MAP7: variants seen among roughly 807,000 people sequenced by gnomAD.
MAP7 encodes the protein ensconsin.
In MAP7, 52 loss-of-function variants were observed where a neutral mutation model predicts 94.8. The observed-to-expected ratio is 0.55, with a 90% CI of 0.44 to 0.69. The LOEUF (loss-of-function observed/expected upper bound fraction) is 0.69, where lower values mean the gene tolerates loss of function less well. MAP7 is among the 30% of genes least tolerant of loss of function. The pLI, the probability that MAP7 is intolerant of heterozygous loss-of-function variation, is 0.00. For synonymous variants in MAP7, 350 were observed against 357.0 expected, an observed-to-expected ratio of 0.98 and a Z score of 0.22; for missense variants, 940 against 964.6, an observed-to-expected ratio of 0.97 and a Z score of 0.34.
intron 5 of MAP7, among the ~76,000 whole-genome samples, chr6:136,386,696 C>T (rs1366118664): frequency 6.6e-6 from 1 of 152,202 alleles, no homozygotes; most frequent in African/African-American, 2.4e-5. Flanking sequence ...ATGTATCCCA[C>T]CAGCTACTGC....
chr6:136,412,397 G>GA (rs1398198726), intron 2 of MAP7, among the ~76,000 whole-genome samples: 6 of 151,978 alleles, frequency 3.9e-5, no homozygotes, highest in Admixed American at 1.3e-4. Context: ...TTCTACTTGG[G>GA]AAAAAATCTG....
chr6:136,451,199 C>A (rs556588307), intron 1 of MAP7, among the ~76,000 whole-genome samples: 1 of 152,292 alleles, frequency 6.6e-6, no homozygotes, highest in East Asian at 1.9e-4. Flanking sequence ...CTGATCACCT[C>A]CCCATAACAG....
rs189206101 is a variant in MAP7, at chr6:136,406,747, G to A, written c.244+4873C>T. ...GAGGCACGAGAATTGCTTGAACCTG[G>A]AAGGTGGAGGTTGCAGTGAGCTGAG... On this transcript the variant is annotated intron_variant, in intron 3 of 17. Coordinates refer to ENST00000354570, the MANE Select transcript of MAP7 (RefSeq NM_003980.6). Among the ~76,000 whole-genome samples the A allele has an allele frequency of 3.3e-4, 51 of 152,310 alleles. 1 individual carries two copies. The East Asian group carries it at 9.3e-3, about 28-fold the overall frequency.
At position 136,365,907 on chromosome 6, in the gene MAP7, G is replaced by A; in HGVS notation, c.1101C>T (p.Gly367=). 1.2e-6 allele frequency: 2 copies of A among 1,614,164 alleles called. No individual in the cohort carries two copies. Among genetic ancestry groups the A allele is most frequent in the East Asian group, 4.5e-5 (2 of 44,870 alleles). ...CTTCCCTCTTGACAGGGCGGATGTT[G>A]CCGGGGGATGGGGGCCGGACCTGAG... The part of the protein sequence containing the change: ...APAQVRPPSP[G]NIRPVKREVK... The change falls in exon 10 of 18, where the codon GGC becomes GGT. Residue 367 remains glycine, a synonymous_variant. Coordinates refer to ENST00000354570, the MANE Select transcript of MAP7 (RefSeq NM_003980.6).
intron 1 of MAP7, among the ~76,000 whole-genome samples, chr6:136,428,984 C>A (rs555785391): frequency 2.0e-5 from 3 of 152,218 alleles, no homozygotes; most frequent in Admixed American, 1.3e-4. Context: ...AAAATGTATT[C>A]TTTTTCTTTT....
At chr6:136,347,540 G>A (rs972766934) in intron 16 of MAP7, among the ~76,000 whole-genome samples, 1 of 152,072 alleles carries the variant, frequency 6.6e-6, no homozygotes, top group African/African-American at 2.4e-5. Context: ...CAAATAGCTG[G>A]GACTACAGGG....
At chr6:136,411,926 C>T (rs967002222) in intron 2 of MAP7, among the ~76,000 whole-genome samples, 3 of 152,112 alleles carry the variant, frequency 2.0e-5, no homozygotes, top group Admixed American at 6.5e-5. Context: ...AAAATCATGA[C>T]GTAACTATAG....
intron 2 of MAP7, among the ~76,000 whole-genome samples, chr6:136,416,866 C>T (rs1410346316): frequency 6.6e-6 from 1 of 151,932 alleles, no homozygotes; most frequent in Non-Finnish European, 1.5e-5. Context: ...AATCCCAACA[C>T]TTTGGGAGGC....
chr6:136,449,002 TA>T (rs748818487), intron 1 of MAP7, among the ~76,000 whole-genome samples: 18,885 of 67,690 alleles, frequency 0.28, 1,341 homozygotes, highest in African/African-American at 0.35. Flanking sequence ...ACAGTGGTGT[TA>T]AAAAAAAAAA....
intron 3 of MAP7, among the ~76,000 whole-genome samples, chr6:136,393,363 T>C (rs1285806785): frequency 6.6e-6 from 1 of 152,186 alleles, no homozygotes; most frequent in Non-Finnish European, 1.5e-5. Flanking sequence ...GAATTACTGT[T>C]GGAACTGTGT....
chr6:136,520,971 G>C (rs534662454), intron 1 of MAP7, among the ~76,000 whole-genome samples: 134 of 152,250 alleles, frequency 8.8e-4, no homozygotes, highest in Non-Finnish European at 1.3e-3. Flanking sequence ...CTTAGGTCAG[G>C]GGTCACAAAA....
intron 1 of MAP7, among the ~76,000 whole-genome samples, chr6:136,541,129 G>A (rs1010007384): frequency 6.6e-6 from 1 of 152,192 alleles, no homozygotes; most frequent in African/African-American, 2.4e-5. Flanking sequence ...CCACCCCAAA[G>A]GCTTGGGTCA....
At chr6:136,422,732 A>T (rs1478689711) in intron 1 of MAP7, among the ~76,000 whole-genome samples, 1 of 152,212 alleles carries the variant, frequency 6.6e-6, no homozygotes, top group Non-Finnish European at 1.5e-5. Context: ...AATAAAAATA[A>T]TTTTTTGAAA....
chr6:136,456,392 C>G lies in MAP7; in HGVS notation c.68-34593G>C, dbSNP rs114016368. On this transcript the variant is annotated intron_variant, in intron 1 of 17. Coordinates refer to ENST00000354570, the MANE Select transcript of MAP7 (RefSeq NM_003980.6). Reference sequence around the variant, plus strand: ...CCTACATTAAAAAGAAAGAAAAAGGCCAGGCATGGTTGCTCATGTCTGTAA... The same window carrying G: ...CCTACATTAAAAAGAAAGAAAAAGGGCAGGCATGGTTGCTCATGTCTGTAA... Among the ~76,000 whole-genome samples the G allele has an allele frequency of 2.8e-3, 426 of 152,096 alleles. 2 individuals carry two copies. The highest frequency in any genetic ancestry group is 9.5e-3 in the African/African-American group (396 of 41,488).
At chr6:136,356,119 C>G (rs1790852339) in intron 16 of MAP7, among the ~76,000 whole-genome samples, 1 of 152,142 alleles carries the variant, frequency 6.6e-6, no homozygotes, top group South Asian at 2.1e-4. Flanking sequence ...TGGATATGGT[C>G]CATATCAGGC....
Position 136,362,556 on chromosome 6 carries a change from T to C in MAP7, c.1420A>G (p.Thr474Ala), listed in dbSNP as rs1793132102. 1 of 1,614,142 alleles carries C rather than the reference T, an allele frequency of 6.2e-7. No individual in the cohort carries two copies. Residue 474 changes from threonine to alanine, a missense_variant, in exon 11 of 18, where the codon ACC becomes GCC. Thr to Ala is a moderately conservative substitution (Grantham distance 58, BLOSUM62 0). Coordinates refer to ENST00000354570, the MANE Select transcript of MAP7 (RefSeq NM_003980.6). ...AGCCTTGTGGCCTCCTCTGGGTCGG[T>C]GGTGCCTGCAGAAGTCTTAACAGAA... ...SASVKTSAGT[T>A]DPEEATRLLA...
intron 1 of MAP7, among the ~76,000 whole-genome samples, chr6:136,425,645 G>GT (rs780997055): frequency 6.6e-6 from 1 of 151,982 alleles, no homozygotes; most frequent in Non-Finnish European, 1.5e-5. Context: ...CGAATCATAG[G>GT]TATGAAGTGT....
intron 3 of MAP7, among the ~76,000 whole-genome samples, chr6:136,391,659 TA>T (rs1220690917): frequency 3.0e-5 from 3 of 101,254 alleles, no homozygotes. Context: ...AAATAAAAAA[TA>T]AAAACTATTA....
chr6:136,344,325 T>G lies in MAP7; in HGVS notation c.2240-87A>C. ...AGAATACCATAGTAATACCTTAAAT[T>G]TCTAAAACTTACTATACTGTTATAT... On this transcript the variant is annotated intron_variant, in intron 17 of 17. Coordinates refer to ENST00000354570, the MANE Select transcript of MAP7 (RefSeq NM_003980.6). 7.4e-6 allele frequency: 4 copies of G among 540,288 alleles called. No individual in the cohort carries two copies. The Middle Eastern group carries it at 1.3e-3, about 172-fold the overall frequency. The allele number at this position is 540,288 out of a possible 1,614,324, so 33.5% of individuals were successfully genotyped here.
Sources: allele counts gnomAD v4.1 joint callset (sites outside exome capture counted in the v4.1 genomes callset), GRCh38; gene constraint gnomAD v4.1.1; transcripts MANE v1.5; gene names NCBI Gene and HGNC (gene_info 2026-07-23, HGNC 2026-07-21).